The following MEGF10 variants were observed in gnomAD, a reference collection of about 807,000 sequenced individuals.
The protein encoded by MEGF10 is multiple epidermal growth factor-like domains protein 10.
MEGF10 carries 86 observed loss-of-function variants against 147.5 expected under a neutral mutation model. The ratio of observed to expected loss-of-function variants is 0.58; its 90% CI spans 0.49 to 0.70. The LOEUF is 0.70. Among genes scored for constraint, MEGF10 ranks in the 30% least tolerant of loss-of-function variants. The pLI, the probability that MEGF10 is intolerant of heterozygous loss-of-function variation, is 0.00. For missense variants in MEGF10, 1,329 were observed against 1,487.3 expected, an observed-to-expected ratio of 0.89 and a Z score of 1.75; for synonymous variants, 478 against 525.5, an observed-to-expected ratio of 0.91 and a Z score of 1.24.
rs1317556816 is a variant in MEGF10, at chr5:127,460,411, G to C, written c.*3093G>C. 6.6e-6 allele frequency: 1 copy of C among 152,132 alleles called. No individual in the cohort carries two copies. The highest frequency in any genetic ancestry group is 1.5e-5 in the Non-Finnish European group (1 of 68,002). 9.4% of individuals were successfully genotyped at this position (152,132 alleles called of 1,614,324 possible). On this transcript the variant is annotated 3_prime_UTR_variant, in exon 25 of 25. Coordinates refer to ENST00000503335, the MANE Select transcript of MEGF10 (RefSeq NM_001256545.2). The stretch of plus-strand genomic sequence containing the variant: ...CTATGATACAGTAGTAATGTTAACA[G>C]AGAGTTTAATATGTTTAGCATTATC...
chr5:127,296,782 T>C (rs2126704888), intron 1 of MEGF10, among the ~76,000 whole-genome samples: 1 of 152,342 alleles, frequency 6.6e-6, no homozygotes, highest in Non-Finnish European at 1.5e-5. Context: ...ATGAAATTTT[T>C]GCTTGGTGGC....
At chr5:127,240,374 C>T in the MEGF10 span, among the ~76,000 whole-genome samples, 4 of 152,192 alleles carry the variant, frequency 2.6e-5, no homozygotes, top group South Asian at 8.3e-4. Flanking sequence ...ATGCCTTCCT[C>T]TAGGTTGAAA....
At chr5:127,356,149 C>G (rs1466215217) in intron 4 of MEGF10, among the ~76,000 whole-genome samples, 1 of 152,208 alleles carries the variant, frequency 6.6e-6, no homozygotes, top group African/African-American at 2.4e-5. Context: ...AAGTGACCAA[C>G]CACAAAACAT....
intron 4 of MEGF10, among the ~76,000 whole-genome samples, chr5:127,344,975 A>G (rs955439200): frequency 6.6e-6 from 1 of 152,184 alleles, no homozygotes; most frequent in African/African-American, 2.4e-5. Context: ...CTGTAGTGTC[A>G]AGGTTCCAGG....
At chr5:127,267,582 T>G in the MEGF10 span, among the ~76,000 whole-genome samples, 3 of 152,202 alleles carry the variant, frequency 2.0e-5, no homozygotes, top group Admixed American at 2.0e-4. Context: ...GGCTATTAAT[T>G]ATTGCCTCAA....
intron 8 of MEGF10, among the ~76,000 whole-genome samples, chr5:127,408,916 A>G (rs1764439892): frequency 6.6e-6 from 1 of 152,284 alleles, no homozygotes; most frequent in East Asian, 1.9e-4. Flanking sequence ...ATCTTTACAA[A>G]AAATTTAAAA....
At chr5:127,342,809 G>A (rs1033244592) in intron 4 of MEGF10, among the ~76,000 whole-genome samples, 3 of 151,932 alleles carry the variant, frequency 2.0e-5, no homozygotes, top group Non-Finnish European at 4.4e-5. Context: ...TAGGCCTCTT[G>A]CTGACCAACT....
chr5:127,449,606 A>C (rs1195154721), intron 22 of MEGF10, among the ~76,000 whole-genome samples: 1 of 152,134 alleles, frequency 6.6e-6, no homozygotes, highest in Non-Finnish European at 1.5e-5. Flanking sequence ...CTTGCACAGG[A>C]CCTCATCGCC....
the MEGF10 span, among the ~76,000 whole-genome samples, chr5:127,242,294 A>G: frequency 4.6e-5 from 7 of 152,192 alleles, no homozygotes; most frequent in Non-Finnish European, 1.0e-4. Flanking sequence ...CATGTCAGTC[A>G]TGTTGCAAAT....
chr5:127,309,118 C>T (rs1760146630), intron 1 of MEGF10, among the ~76,000 whole-genome samples: 1 of 152,130 alleles, frequency 6.6e-6, no homozygotes, highest in Non-Finnish European at 1.5e-5. Context: ...CATTACCAGT[C>T]CATGTGCAGT....
the MEGF10 span, among the ~76,000 whole-genome samples, chr5:127,234,898 C>T: frequency 1.3e-5 from 2 of 151,728 alleles, no homozygotes; most frequent in Non-Finnish European, 2.9e-5. Flanking sequence ...GGCTGGAGTG[C>T]AGTGGCACAA....
chr5:127,305,496 T>C (rs573941697), intron 1 of MEGF10, among the ~76,000 whole-genome samples: 2 of 152,260 alleles, frequency 1.3e-5, no homozygotes, highest in South Asian at 4.2e-4. Context: ...TGACTGTGCC[T>C]GAACCCAGCC....
the MEGF10 span, among the ~76,000 whole-genome samples, chr5:127,272,906 C>A: frequency 1.3e-5 from 2 of 152,144 alleles, no homozygotes; most frequent in East Asian, 3.9e-4. Flanking sequence ...TCTTCTTATT[C>A]GAATACGCTT....
the MEGF10 span, among the ~76,000 whole-genome samples, chr5:127,233,655 T>C: frequency 6.6e-6 from 1 of 152,172 alleles, no homozygotes; most frequent in African/African-American, 2.4e-5. Context: ...TCACTTTTTT[T>C]CCCATTAGAT....
chr5:127,368,203 C>T (rs1762724285), intron 4 of MEGF10, among the ~76,000 whole-genome samples: 1 of 152,146 alleles, frequency 6.6e-6, no homozygotes, highest in Non-Finnish European at 1.5e-5. Context: ...TCATATGTTA[C>T]AGGCAAGTTC....
intron 2 of MEGF10, among the ~76,000 whole-genome samples, chr5:127,333,518 A>T (rs537181027): frequency 1.7e-5 from 1 of 59,666 alleles, no homozygotes; most frequent in Admixed American, 1.6e-4. Context: ...CTCAAAAAAA[A>T]TAAAAATAAA....
intron 10 of MEGF10, among the ~76,000 whole-genome samples, chr5:127,418,245 G>C (rs1197816872): frequency 1.3e-5 from 2 of 152,072 alleles, no homozygotes; most frequent in African/African-American, 4.8e-5. Context: ...TAAGTTTTTA[G>C]GTCCCTTTGA....
At chr5:127,265,957 G>T in the MEGF10 span, among the ~76,000 whole-genome samples, 42 of 152,256 alleles carry the variant, frequency 2.8e-4, no homozygotes, top group Admixed American at 2.5e-3. Context: ...GGCTTTTGTT[G>T]CCATTGCTTT....
chr5:127,339,293 C>T (rs563563081), intron 3 of MEGF10, 72 bp downstream of exon 3: 1 of 1,045,670 alleles, frequency 9.6e-7, no homozygotes, highest in Non-Finnish European at 1.5e-6. Flanking sequence ...ATATTAATGA[C>T]AGCAGAAAGT....
Sources: gnomAD v4.1 joint callset for allele counts (sites outside exome capture counted in the v4.1 genomes callset) on GRCh38, gnomAD v4.1.1 for gene constraint, MANE v1.5 for transcripts, NCBI Gene and HGNC (gene_info 2026-07-23, HGNC 2026-07-21) for gene names.